Variants in IQGAP2 observed in about 807,000 individuals in gnomAD.
The protein encoded by IQGAP2 is IQ motif containing GTPase activating protein 2.
A neutral mutation model predicts 201.3 loss-of-function variants in IQGAP2; 173 were observed. The ratio of observed to expected loss-of-function variants is 0.86; its 90% confidence interval spans 0.76 to 0.98. The LOEUF (loss-of-function observed/expected upper bound fraction) is 0.98, where lower values mean the gene tolerates loss of function less well. IQGAP2 is among the 50% of genes least tolerant of loss of function. The pLI, the probability that IQGAP2 is intolerant of heterozygous loss-of-function variation, is 0.00. For missense variants in IQGAP2, 1,687 were observed against 1,864.8 expected (o/e 0.90, Z 1.76); for synonymous variants, 675 against 673.9 (o/e 1.00, Z -0.03).
At chr5:76,516,819 C>G (rs1368527789) in intron 2 of IQGAP2, among the ~76,000 whole-genome samples, 1 of 152,076 alleles carries the variant, frequency 6.6e-6, no homozygotes, top group East Asian at 1.9e-4. Context: ...GTATATGTTC[C>G]CTTTTGCATG....
chr5:76,671,136 C>A (rs1295818975), intron 23 of IQGAP2, among the ~76,000 whole-genome samples: 1 of 151,968 alleles, frequency 6.6e-6, no homozygotes, highest in Non-Finnish European at 1.5e-5. Context: ...TGGCATGTGC[C>A]TGTAATCCGA....
rs56984768 is a variant in IQGAP2 at position 76,695,835 on chromosome 5, C to CTTTTTTT, written c.4206+186_4206+192dup. On this transcript the variant is annotated intron_variant, in intron 32 of 35. Transcript: ENST00000274364. ...TTCAAGGTTTCAAAGCAGTTGATGA[C>CTTTTTTT]TTTTTTTTTTTTTTTTTTTTTTTGA... Among the ~76,000 whole-genome samples, 190 of 83,068 alleles carry CTTTTTTT rather than the reference C, an allele frequency of 2.3e-3. 2 individuals carry two copies. The highest frequency in any genetic ancestry group is 2.6e-3 in the African/African-American group (51 of 19,524). 54.5% of individuals were successfully genotyped at this position (83,068 alleles called of 152,430 possible). A position where few individuals can be genotyped will look rare whatever the true frequency, so the allele number is the denominator to read the frequency against.
At chr5:76,544,380 CAG>C (rs756457056) in intron 2 of IQGAP2, among the ~76,000 whole-genome samples, 3 of 152,186 alleles carry the variant, frequency 2.0e-5, no homozygotes, top group Non-Finnish European at 4.4e-5. Flanking sequence ...GGCCACTTGA[CAG>C]AGAGAGCAGT....
chr5:76,450,097 C>T (rs1375902248), intron 1 of IQGAP2, among the ~76,000 whole-genome samples: 1 of 152,198 alleles, frequency 6.6e-6, no homozygotes, highest in Non-Finnish European at 1.5e-5. Flanking sequence ...ACAAAAAGCA[C>T]ACAACAAGCC....
chr5:76,555,170 T>C (rs537285309), intron 2 of IQGAP2, among the ~76,000 whole-genome samples: 293 of 152,288 alleles, frequency 1.9e-3, no homozygotes, highest in Non-Finnish European at 3.2e-3. Flanking sequence ...TGTTTATGGA[T>C]ATAAGGTTTC....
rs753577925 is a variant in IQGAP2, at chr5:76,562,548, A to G, written c.299A>G (p.Tyr100Cys). Residue 100 changes from tyrosine (Y) to cysteine (C), a missense_variant, in exon 3 of 36, where the codon TAT (tyrosine) becomes TGT (cysteine). Tyr to Cys is a radical substitution (Grantham distance 194). Transcript: ENST00000274364. ...ATCTATGATGTGGAACAAACACGTT[A>G]TAAGGTAACCAAGATCTAATTGGTT... ...KKIYDVEQTR[Y>C]KKSGLHFRHT... The G allele has an allele frequency of 1.5e-5, 24 of 1,612,556 alleles. No individual in the cohort carries two copies. In the South Asian group the frequency reaches 2.4e-4, roughly 16 times the overall value.
At chr5:76,626,784 C>G (rs555710788) in intron 13 of IQGAP2, among the ~76,000 whole-genome samples, 1 of 152,226 alleles carries the variant, frequency 6.6e-6, no homozygotes, top group South Asian at 2.1e-4. Context: ...GAGTGTTTGA[C>G]TAGGGTAGCC....
At chr5:76,542,647 T>C (rs1742851217) in intron 2 of IQGAP2, among the ~76,000 whole-genome samples, 1 of 152,276 alleles carries the variant, frequency 6.6e-6, no homozygotes, top group Non-Finnish European at 1.5e-5. Flanking sequence ...TCATTTATCC[T>C]TGCATCCCTT....
At chr5:76,565,517 C>A (rs1241063821) in intron 3 of IQGAP2, among the ~76,000 whole-genome samples, 1 of 152,212 alleles carries the variant, frequency 6.6e-6, no homozygotes, top group South Asian at 2.1e-4. Flanking sequence ...TGGCCACCTC[C>A]GCCCTCCACA....
At chr5:76,500,172 A>C (rs1293634380) in intron 2 of IQGAP2, among the ~76,000 whole-genome samples, 1 of 152,182 alleles carries the variant, frequency 6.6e-6, no homozygotes, top group Non-Finnish European at 1.5e-5. Context: ...GCCTCGAAGA[A>C]CTTTATTTAC....
intron 2 of IQGAP2, among the ~76,000 whole-genome samples, chr5:76,481,387 T>G (rs1262700670): frequency 7.0e-6 from 1 of 142,996 alleles, no homozygotes; most frequent in Non-Finnish European, 1.5e-5. Flanking sequence ...ACAAAAAAAG[T>G]TTTTTTTTTT....
Position 76,671,997 on chromosome 5 carries a change from GA to G in IQGAP2, c.3068+16del, listed in dbSNP as rs1330169113. ...TGGAGAGGCCAGGTAATAGAATCAG[GA>G]AGGTGTTGGTCTTCTGTTATGTTTT... On this transcript the variant is annotated intron_variant, in intron 24 of 35. Coordinates refer to ENST00000274364, the MANE Select transcript of IQGAP2 (RefSeq NM_006633.5). The G allele has an allele frequency of 5.1e-6, 8 of 1,568,028 alleles. No individual in the cohort carries two copies. Among genetic ancestry groups the G allele is most frequent in the Non-Finnish European group, 7.0e-6 (8 of 1,139,954 alleles).
intron 5 of IQGAP2, among the ~76,000 whole-genome samples, chr5:76,579,860 A>G (rs553284889): frequency 2.2e-4 from 34 of 152,198 alleles, no homozygotes; most frequent in South Asian, 1.9e-3. Context: ...GTCACCACCT[A>G]TGCTCCTTGG....
intron 1 of IQGAP2, among the ~76,000 whole-genome samples, chr5:76,426,982 A>T (rs1752046775): frequency 6.6e-6 from 1 of 151,090 alleles, no homozygotes; most frequent in African/African-American, 2.4e-5. Flanking sequence ...TAGTGGAGTG[A>T]TCAGTACATA....
chr5:76,436,072 A>C (rs891711732), intron 1 of IQGAP2, among the ~76,000 whole-genome samples: 2 of 151,976 alleles, frequency 1.3e-5, no homozygotes, highest in African/African-American at 4.8e-5. Flanking sequence ...TGATTTTATA[A>C]CCTGAGACTT....
intron 12 of IQGAP2, chr5:76,609,323 C>T (rs1207702688): frequency 2.4e-6 from 3 of 1,228,104 alleles, no homozygotes; most frequent in East Asian, 5.1e-5. Flanking sequence ...GGTAAAACGA[C>T]AGTACCTTGT....
Position 76,665,269 on chromosome 5 carries a change from A to G in IQGAP2, c.2679+94A>G, listed in dbSNP as rs535261165. On this transcript the variant is annotated intron_variant, in intron 22 of 35. Transcript: ENST00000274364. Reference sequence around the variant, plus strand: ...GAGTATTTTGTCATGCTTCAGCTATAATAGCATACATGTTTTGAGCATCTA... The same window carrying G: ...GAGTATTTTGTCATGCTTCAGCTATGATAGCATACATGTTTTGAGCATCTA... The G allele has an allele frequency of 3.8e-6, 4 of 1,041,616 alleles. No homozygotes were observed. In the East Asian group the frequency reaches 9.5e-5, roughly 25 times the overall value. The allele number at this position is 1,041,616 out of a possible 1,614,324, so 64.5% of individuals were successfully genotyped here. A position where few individuals can be genotyped will look rare whatever the true frequency, so the allele number is the denominator to read the frequency against.
chr5:76,664,978 A>G, intron 21 of IQGAP2, 48 bp from the exon 22 acceptor site: 2 of 1,038,722 alleles, frequency 1.9e-6, no homozygotes, highest in Non-Finnish European at 2.9e-6. Flanking sequence ...GGGAGGAGAT[A>G]AAGAGTATGA....
At chr5:76,695,353 G>A in intron 31 of IQGAP2, 101 bp from the exon 32 acceptor site, 1 of 937,574 alleles carries the variant, frequency 1.1e-6, no homozygotes, top group South Asian at 1.6e-5. Flanking sequence ...ACTTTGGCTG[G>A]AGGACTACTT....
Sources: gnomAD v4.1 joint callset for allele counts (sites outside exome capture counted in the v4.1 genomes callset) on GRCh38, gnomAD v4.1.1 for gene constraint, MANE v1.5 for transcripts, NCBI Gene and HGNC (gene_info 2026-07-23, HGNC 2026-07-21) for gene names.